The following NXPE2 variants were observed in gnomAD, a reference collection of about 807,000 sequenced individuals.
NXPE2 encodes neurexophilin and PC-esterase domain family member 2, also known as NXPE family member 2.
In NXPE2, 34 loss-of-function variants were observed where a neutral mutation model predicts 34.4. That is an observed-to-expected ratio of 0.99 (90% CI 0.75 to 1.31). The LOEUF (loss-of-function observed/expected upper bound fraction) is 1.31. Among genes scored for constraint, NXPE2 ranks in the 40% most tolerant of loss-of-function variants. The pLI is 0.00. For synonymous variants in NXPE2, 235 were observed against 231.3 expected, an observed-to-expected ratio of 1.02 and a Z score of -0.15; for missense variants, 649 against 672.5, an observed-to-expected ratio of 0.97 and a Z score of 0.39.
the NXPE2 span, among the ~76,000 whole-genome samples, chr11:114,597,552 A>T: frequency 6.6e-6 from 1 of 152,188 alleles, no homozygotes; most frequent in East Asian, 1.9e-4. Flanking sequence ...ACACAGATGT[A>T]TATTTTCAAG....
At chr11:114,756,465 A>G in the NXPE2 span, among the ~76,000 whole-genome samples, 1 of 152,204 alleles carries the variant, frequency 6.6e-6, no homozygotes, top group Non-Finnish European at 1.5e-5. Context: ...TATTATGAAT[A>G]TCATACTTAA....
At chr11:114,761,651 A>G in the NXPE2 span, among the ~76,000 whole-genome samples, 139,534 of 149,282 alleles carry the variant, frequency 0.93, 65,937 homozygotes, top group East Asian at 1. Flanking sequence ...TCGGCTCACT[A>G]CAAGCTCCGC....
At chr11:114,639,561 G>A in the NXPE2 span, among the ~76,000 whole-genome samples, 18 of 150,826 alleles carry the variant, frequency 1.2e-4, no homozygotes, top group South Asian at 2.5e-3. Context: ...CTTCTGCATC[G>A]CTCAGGCCGG....
chr11:114,614,975 C>T, the NXPE2 span, among the ~76,000 whole-genome samples: 139 of 151,600 alleles, frequency 9.2e-4, no homozygotes, highest in African/African-American at 3.3e-3. Context: ...AGTATTGCCT[C>T]GTGAGTAACC....
chr11:114,685,331 T>C (rs1951026927), intron 2 of NXPE2, among the ~76,000 whole-genome samples: 1 of 152,114 alleles, frequency 6.6e-6, no homozygotes, highest in Admixed American at 6.6e-5. Context: ...ACAGATTTGG[T>C]GTCTGATGAG....
At chr11:114,611,284 A>G in the NXPE2 span, among the ~76,000 whole-genome samples, 1 of 151,508 alleles carries the variant, frequency 6.6e-6, no homozygotes, top group Non-Finnish European at 1.5e-5. Context: ...CCCTGTCGAT[A>G]ATAAGTGTTG....
the NXPE2 span, among the ~76,000 whole-genome samples, chr11:114,640,933 G>A: frequency 6.6e-6 from 1 of 151,854 alleles, no homozygotes; most frequent in African/African-American, 2.4e-5. Flanking sequence ...TTGTTTTGCT[G>A]TGCAAAAGGA....
downstream of NXPE2, among the ~76,000 whole-genome samples, chr11:114,709,729 C>A (rs374515277): frequency 1.3e-5 from 2 of 151,994 alleles, no homozygotes; most frequent in East Asian, 1.9e-4. Context: ...CATGGTGAAA[C>A]CCTGTCTCTA....
chr11:114,712,395 C>T, the NXPE2 span, among the ~76,000 whole-genome samples: 1 of 152,072 alleles, frequency 6.6e-6, no homozygotes, highest in Non-Finnish European at 1.5e-5. Flanking sequence ...AATATTATAT[C>T]TGATAAGGTA....
At chr11:114,583,183 A>G in the NXPE2 span, 2 of 840,296 alleles carry the variant, frequency 2.4e-6, no homozygotes, top group Admixed American at 2.7e-5. Flanking sequence ...TATTATTTAA[A>G]TTCTCCAATA....
At chr11:114,475,837 G>A in the NXPE2 span, among the ~76,000 whole-genome samples, 7,736 of 152,186 alleles carry the variant, frequency 0.051, 254 homozygotes, top group Middle Eastern at 0.085. Context: ...ATGTCACTTG[G>A]ATTTATTACC....
At chr11:114,722,631 A>C in the NXPE2 span, among the ~76,000 whole-genome samples, 3 of 152,194 alleles carry the variant, frequency 2.0e-5, no homozygotes, top group Non-Finnish European at 4.4e-5. Flanking sequence ...TTTTCTTGCT[A>C]AGGATTCCTC....
the NXPE2 span, among the ~76,000 whole-genome samples, chr11:114,634,370 G>A: frequency 1.6e-4 from 24 of 151,788 alleles, no homozygotes; most frequent in Admixed American, 9.9e-4. Flanking sequence ...TTAGCCCTTT[G>A]TCAGATGAGT....
chr11:114,741,965 A>G, the NXPE2 span, among the ~76,000 whole-genome samples: 1 of 151,954 alleles, frequency 6.6e-6, no homozygotes, highest in African/African-American at 2.4e-5. Context: ...GAAAAGAAAG[A>G]CCTTTGCCAA....
At chr11:114,668,696 A>T in the NXPE2 span, among the ~76,000 whole-genome samples, 1 of 151,978 alleles carries the variant, frequency 6.6e-6, no homozygotes, top group South Asian at 2.1e-4. Context: ...ACTTATCTTT[A>T]TATTTTCTTC....
the NXPE2 span, among the ~76,000 whole-genome samples, chr11:114,483,025 G>A: frequency 6.6e-6 from 1 of 152,062 alleles, no homozygotes; most frequent in African/African-American, 2.4e-5. Flanking sequence ...TTCTACTTAG[G>A]AAACCTTGCC....
downstream of NXPE2, among the ~76,000 whole-genome samples, chr11:114,712,030 T>C (rs1859623453): frequency 6.6e-6 from 1 of 152,102 alleles, no homozygotes; most frequent in South Asian, 2.1e-4. Context: ...ACAAATAGTA[T>C]TGGGAAAACT....
At chr11:114,664,948 C>T in the NXPE2 span, among the ~76,000 whole-genome samples, 1 of 152,092 alleles carries the variant, frequency 6.6e-6, no homozygotes, top group Non-Finnish European at 1.5e-5. Context: ...CTAGGCTAAG[C>T]TATGATGTTT....
the NXPE2 span, among the ~76,000 whole-genome samples, chr11:114,648,261 G>C: frequency 9.2e-3 from 1,394 of 152,226 alleles, 19 homozygotes; most frequent in African/African-American, 0.032. Context: ...TTGAAGGCAT[G>C]AGAACCAGGA....
Sources: gnomAD v4.1 joint callset for allele counts (sites outside exome capture counted in the v4.1 genomes callset) on GRCh38, gnomAD v4.1.1 for gene constraint, MANE v1.5 for transcripts, NCBI Gene and HGNC (gene_info 2026-07-23, HGNC 2026-07-21) for gene names.